The following SCAPER variants were observed in gnomAD, a reference collection of about 807,000 sequenced individuals.
SCAPER encodes S-phase cyclin A associated protein in the ER, also known as S phase cyclin A-associated protein in the endoplasmic reticulum.
A neutral mutation model predicts 182.2 loss-of-function variants in SCAPER; 98 were observed. That is an observed-to-expected ratio of 0.54 (90% CI 0.46 to 0.64). SCAPER has a LOEUF of 0.64. SCAPER is among the 30% of genes least tolerant of loss of function. The probability of loss-of-function intolerance (pLI) is 0.00; values close to 1 mark genes in which losing one functional copy is unlikely to be tolerated. For synonymous variants in SCAPER, 605 were observed against 564.6 expected, an observed-to-expected ratio of 1.07 and a Z score of -1.01; for missense variants, 1,432 against 1,690.0, an observed-to-expected ratio of 0.85 and a Z score of 2.68.
At chr15:76,655,696 G>C (rs1310097100) in intron 21 of SCAPER, among the ~76,000 whole-genome samples, 1 of 152,196 alleles carries the variant, frequency 6.6e-6, no homozygotes, top group African/African-American at 2.4e-5. Flanking sequence ...AAACTCATCA[G>C]GCTAACAGTG....
intron 23 of SCAPER, among the ~76,000 whole-genome samples, chr15:76,514,521 T>C (rs1222349606): frequency 6.6e-6 from 1 of 152,256 alleles, no homozygotes; most frequent in Non-Finnish European, 1.5e-5. Flanking sequence ...GTGGCCTTTG[T>C]ACTTGACTTT....
chr15:76,449,264 T>A (rs945388974), intron 25 of SCAPER, among the ~76,000 whole-genome samples: 2 of 152,208 alleles, frequency 1.3e-5, no homozygotes, highest in Non-Finnish European at 2.9e-5. Flanking sequence ...GGGGAACATA[T>A]CTCCATAACT....
chr15:76,820,646 A>G (rs1363656282), intron 5 of SCAPER, among the ~76,000 whole-genome samples: 2 of 151,616 alleles, frequency 1.3e-5, no homozygotes, highest in Middle Eastern at 3.2e-3. Context: ...GCTAAATGAC[A>G]AGTTAATGGG....
chr15:76,795,223 G>A (rs1481544202), intron 8 of SCAPER, 57 bp downstream of exon 8: 2 of 1,443,054 alleles, frequency 1.4e-6, no homozygotes, highest in Non-Finnish European at 1.9e-6. Flanking sequence ...AACAAAATAA[G>A]TATCTCTATA....
chr15:76,673,952 TACACAC>T (rs71447120), intron 20 of SCAPER, among the ~76,000 whole-genome samples: 32,358 of 146,240 alleles, frequency 0.22, 4,257 homozygotes, highest in Admixed American at 0.33. Flanking sequence ...AATTTATCTA[TACACAC>T]ACACACACAC....
intron 5 of SCAPER, among the ~76,000 whole-genome samples, chr15:76,833,051 A>G (rs2068640227): frequency 6.6e-6 from 1 of 152,132 alleles, no homozygotes; most frequent in African/African-American, 2.4e-5. Flanking sequence ...TATATAAGAC[A>G]ACCATCCCCC....
intron 22 of SCAPER, among the ~76,000 whole-genome samples, chr15:76,585,256 T>C (rs769191019): frequency 1.2e-4 from 19 of 152,222 alleles, no homozygotes; most frequent in South Asian, 2.1e-4. Flanking sequence ...AGACATTCAA[T>C]AAATGGTCGA....
intron 1 of SCAPER, among the ~76,000 whole-genome samples, chr15:76,898,945 A>T (rs192952055): frequency 3.2e-4 from 48 of 152,332 alleles, no homozygotes; most frequent in African/African-American, 1.2e-3. Flanking sequence ...CTTCAAATTA[A>T]AAAAGAAAGC....
intron 16 of SCAPER, among the ~76,000 whole-genome samples, chr15:76,730,443 T>C (rs1239226054): frequency 6.6e-6 from 1 of 152,124 alleles, no homozygotes; most frequent in Non-Finnish European, 1.5e-5. Flanking sequence ...AGCATACTAT[T>C]CATGAAATAG....
intron 23 of SCAPER, among the ~76,000 whole-genome samples, chr15:76,518,314 T>A (rs2042589935): frequency 6.6e-6 from 1 of 152,202 alleles, no homozygotes; most frequent in African/African-American, 2.4e-5. Context: ...TCAGCAGAGA[T>A]ACTGCTTCAG....
chr15:76,746,959 A>G (rs1239518802), intron 15 of SCAPER, among the ~76,000 whole-genome samples: 1 of 152,220 alleles, frequency 6.6e-6, no homozygotes, highest in Non-Finnish European at 1.5e-5. Flanking sequence ...AAGATATGTA[A>G]TCCCTAACAA....
chr15:76,592,091 C>T (rs990483642), intron 22 of SCAPER, among the ~76,000 whole-genome samples: 1 of 151,416 alleles, frequency 6.6e-6, no homozygotes, highest in African/African-American at 2.4e-5. Context: ...ATCTATCTAC[C>T]TACCTACAGA....
intron 24 of SCAPER, among the ~76,000 whole-genome samples, chr15:76,492,752 T>A (rs1241295241): frequency 1.3e-5 from 2 of 152,202 alleles, no homozygotes; most frequent in South Asian, 2.1e-4. Flanking sequence ...GCAAAAAACC[T>A]GGGGACAGAA....
intron 10 of SCAPER, among the ~76,000 whole-genome samples, chr15:76,770,733 G>T (rs1427740061): frequency 1.3e-5 from 2 of 151,920 alleles, no homozygotes; most frequent in East Asian, 1.9e-4. Context: ...TATACAATTT[G>T]ATATACAACT....
chr15:76,839,054 TGTAGTA>T (rs1568301900), intron 5 of SCAPER, among the ~76,000 whole-genome samples: 1 of 152,218 alleles, frequency 6.6e-6, no homozygotes, highest in Non-Finnish European at 1.5e-5. Context: ...TAGCAATTTA[TGTAGTA>T]AAGTAGCCAA....
intron 29 of SCAPER, among the ~76,000 whole-genome samples, chr15:76,356,036 C>G (rs776620998): frequency 6.6e-6 from 1 of 152,138 alleles, no homozygotes; most frequent in Non-Finnish European, 1.5e-5. Flanking sequence ...GAGTCTACTA[C>G]GACTGATGAG....
intron 21 of SCAPER, among the ~76,000 whole-genome samples, chr15:76,634,519 T>C (rs560304482): frequency 4.6e-5 from 7 of 152,298 alleles, no homozygotes; most frequent in African/African-American, 1.7e-4. Flanking sequence ...ACTGAAGCTG[T>C]ATACCAATTT....
At chr15:76,635,860 T>C (rs185583185) in intron 21 of SCAPER, among the ~76,000 whole-genome samples, 1 of 152,368 alleles carries the variant, frequency 6.6e-6, no homozygotes, top group Admixed American at 6.5e-5. Flanking sequence ...TATATTATAT[T>C]GTGTGACTTT....
chr15:76,693,198 T>C (rs1458721238), intron 20 of SCAPER, among the ~76,000 whole-genome samples: 1 of 152,132 alleles, frequency 6.6e-6, no homozygotes, highest in East Asian at 1.9e-4. Context: ...AAAAACTAGA[T>C]CCTTTCCTAG....
Sources: allele counts gnomAD v4.1 joint callset (sites outside exome capture counted in the v4.1 genomes callset), GRCh38; gene constraint gnomAD v4.1.1; transcripts MANE v1.5; gene names NCBI Gene and HGNC (gene_info 2026-07-23, HGNC 2026-07-21).